Variants in MSH4 observed in about 807,000 individuals in gnomAD.
The protein encoded by MSH4 is mutS protein homolog 4.
Under a neutral mutation model 113.7 loss-of-function variants are expected in MSH4, and 106 were observed. That is an observed-to-expected ratio of 0.93 (90% CI 0.80 to 1.10). The LOEUF is 1.10. MSH4 is among the 50% of genes least tolerant of loss of function. The pLI, the probability that MSH4 is intolerant of heterozygous loss-of-function variation, is 0.00. For synonymous variants in MSH4, 368 were observed against 380.2 expected (o/e 0.97, Z 0.37); for missense variants, 1,061 against 1,093.7 (o/e 0.97, Z 0.42).
chr1:75,835,371 T>G (rs944687860), intron 7 of MSH4, among the ~76,000 whole-genome samples: 8 of 152,202 alleles, frequency 5.3e-5, no homozygotes, highest in African/African-American at 1.9e-4. Context: ...ACTATCCTTT[T>G]CTTGTTAATA....
rs1651877070 is a variant in MSH4 at position 75,879,106 on chromosome 1, A to T, written c.1655A>T (p.Gln552Leu). ...TTDCIALPSD[Q>L]LPSEFIKISK... ...GATTGTATAGCCCTACCTAGTGATC[A>T]ACTTCCTTCAGAATTTATTAAGGTT... The change falls in exon 12 of 20, where the codon CAA (glutamine) becomes CTA (leucine). Residue 552 changes from glutamine to leucine, a missense_variant. By Grantham distance (113) the Gln-to-Leu change is moderately radical. Transcript: ENST00000263187. The T allele has an allele frequency of 1.2e-6, 2 of 1,611,110 alleles. No individual in the cohort carries two copies. Among genetic ancestry groups the T allele is most frequent in the Non-Finnish European group, 1.7e-6 (2 of 1,177,808 alleles).
chr1:75,910,934 C>A (rs886141501), intron 19 of MSH4, among the ~76,000 whole-genome samples: 1 of 151,948 alleles, frequency 6.6e-6, no homozygotes, highest in African/African-American at 2.4e-5. Context: ...ACACTTCTAC[C>A]AGATTGTCTC....
At position 75,816,383 on chromosome 1, in the gene MSH4, C is replaced by T; in HGVS notation, c.826C>T (p.Leu276Phe). ...TTGGTCATCTTTTAGGTATTACTGC[C>T]TTGCAGCTGTTGCAGCTTTGTTAAA... ...LMEVQSKYYC[L>F]AAVAALLKYV... Residue 276 changes from leucine (L) to phenylalanine (F), a missense_variant, in exon 6 of 20, where the codon CTT becomes TTT. Leu to Phe is a conservative substitution (Grantham distance 22). Transcript: ENST00000263187. The T allele has an allele frequency of 6.2e-7, 1 of 1,600,878 alleles. No individual in the cohort carries two copies. The highest frequency in any genetic ancestry group is 8.5e-7 in the Non-Finnish European group (1 of 1,172,076).
chr1:75,797,873 G>A (rs1146643), intron 1 of MSH4, among the ~76,000 whole-genome samples: 89,972 of 152,008 alleles, frequency 0.59, 27,933 homozygotes, highest in African/African-American at 0.72. Flanking sequence ...GAGTCCGGGA[G>A]GTCGAGGCTG....
At chr1:75,850,055 TTC>T (rs1323264349) in intron 8 of MSH4, among the ~76,000 whole-genome samples, 1 of 152,140 alleles carries the variant, frequency 6.6e-6, no homozygotes, top group Non-Finnish European at 1.5e-5. Flanking sequence ...TTTTAATATG[TTC>T]TCTGTTTTTC....
chr1:75,860,869 G>T (rs1210703936), intron 8 of MSH4, among the ~76,000 whole-genome samples: 2 of 152,166 alleles, frequency 1.3e-5, no homozygotes, highest in Admixed American at 1.3e-4. Context: ...TCTAACTTGG[G>T]GCCATTCTCC....
At chr1:75,831,991 CAAG>C (rs1650702617) in intron 7 of MSH4, among the ~76,000 whole-genome samples, 1 of 152,098 alleles carries the variant, frequency 6.6e-6, no homozygotes, top group South Asian at 2.1e-4. Context: ...ATCAATGAAT[CAAG>C]GAGCTGGTTT....
intron 19 of MSH4, among the ~76,000 whole-genome samples, chr1:75,902,142 C>CTTGT (rs1652519271): frequency 6.6e-6 from 1 of 151,926 alleles, no homozygotes; most frequent in Non-Finnish European, 1.5e-5. Flanking sequence ...TCTTAAAGGC[C>CTTGT]CCTTTTCACA....
chr1:75,797,354 G>A (rs959524547), intron 1 of MSH4, 125 bp downstream of exon 1: 1 of 1,314,528 alleles, frequency 7.6e-7, no homozygotes, highest in African/African-American at 1.5e-5. Flanking sequence ...TGAGATCTGA[G>A]TGCCCTGGGA....
At chr1:75,831,544 TC>T (rs1650691274) in intron 7 of MSH4, among the ~76,000 whole-genome samples, 1 of 152,130 alleles carries the variant, frequency 6.6e-6, no homozygotes, top group Admixed American at 6.6e-5. Flanking sequence ...AGTACAGCAC[TC>T]CTCAGCAAAT....
rs759752423 is a variant in MSH4 at position 75,811,555 on chromosome 1, A to G, written c.699+748A>G. ...TTTTTCTATAGGGAATTTAATTTGT[A>G]TTACAGAATTGTTTCAGCTTCCCCT... On this transcript the variant is annotated intron_variant, in intron 4 of 19. Coordinates refer to ENST00000263187, the MANE Select transcript of MSH4 (RefSeq NM_002440.4). 9.2e-5 allele frequency among the ~76,000 whole-genome samples: 14 copies of G among 152,182 alleles called. No individual in the cohort carries two copies. In the East Asian group the frequency reaches 2.7e-3, roughly 29 times the overall value.
chr1:75,875,984 C>A (rs909463925), intron 9 of MSH4, among the ~76,000 whole-genome samples: 2 of 151,986 alleles, frequency 1.3e-5, no homozygotes, highest in African/African-American at 4.8e-5. Context: ...CTTCTATGTG[C>A]AAAATTATTT....
chr1:75,907,843 A>G (rs1371016045), intron 19 of MSH4, among the ~76,000 whole-genome samples: 2 of 150,418 alleles, frequency 1.3e-5, no homozygotes, highest in Non-Finnish European at 3.0e-5. Context: ...CAGCTACCCA[A>G]GTAGCTGGAA....
chr1:75,897,532 AT>A (rs1021584188), intron 17 of MSH4, among the ~76,000 whole-genome samples: 1 of 151,642 alleles, frequency 6.6e-6, no homozygotes, highest in Non-Finnish European at 1.5e-5. Context: ...GGAAAATATT[AT>A]TTTTTTTGCA....
intron 13 of MSH4, among the ~76,000 whole-genome samples, 170 bp downstream of exon 13, chr1:75,880,323 C>T (rs945850098): frequency 3.9e-5 from 6 of 152,074 alleles, no homozygotes; most frequent in Admixed American, 1.3e-4. Flanking sequence ...ACAGAAGCTT[C>T]GGGGAAGATC....
intron 8 of MSH4, among the ~76,000 whole-genome samples, chr1:75,863,244 A>T (rs1006227544): frequency 4.6e-5 from 7 of 152,136 alleles, no homozygotes. Flanking sequence ...TCTGATCCAA[A>T]AGAATTTATA....
At chr1:75,811,767 T>C (rs1411599600) in intron 4 of MSH4, among the ~76,000 whole-genome samples, 4 of 152,218 alleles carry the variant, frequency 2.6e-5, no homozygotes, top group African/African-American at 7.2e-5. Flanking sequence ...TATATTTTGT[T>C]ATGTTTTTAG....
intron 10 of MSH4, among the ~76,000 whole-genome samples, chr1:75,877,617 T>C (rs1451561884): frequency 6.6e-6 from 1 of 152,174 alleles, no homozygotes; most frequent in Non-Finnish European, 1.5e-5. Flanking sequence ...GAGGAAAATA[T>C]GTGTTACCAG....
chr1:75,831,633 A>C (rs1650693430), intron 7 of MSH4, among the ~76,000 whole-genome samples: 1 of 152,186 alleles, frequency 6.6e-6, no homozygotes. Flanking sequence ...TAAGAAACAC[A>C]CTCAAAACCG....
Sources: allele counts gnomAD v4.1 joint callset (sites outside exome capture counted in the v4.1 genomes callset), GRCh38; gene constraint gnomAD v4.1.1; transcripts MANE v1.5; gene names NCBI Gene and HGNC (gene_info 2026-07-23, HGNC 2026-07-21).